Variants in LDAH observed in about 807,000 individuals in gnomAD.
LDAH encodes the protein lipid droplet associated hydrolase, also known as lipid droplet-associated hydrolase.
Under a neutral mutation model 29.6 loss-of-function variants are expected in LDAH, and 26 were observed. The ratio of observed to expected loss-of-function variants is 0.88; its 90% CI spans 0.64 to 1.22. The LOEUF (loss-of-function observed/expected upper bound fraction) is 1.22. Ranked by LOEUF, LDAH falls within the 50% of genes most tolerant of loss-of-function variation. The probability of loss-of-function intolerance (pLI) is 0.00; values close to 1 mark genes in which losing one functional copy is unlikely to be tolerated. For missense variants in LDAH, 344 were observed against 387.3 expected, an observed-to-expected ratio of 0.89 and a Z score of 0.94; for synonymous variants, 117 against 133.0, an observed-to-expected ratio of 0.88 and a Z score of 0.83.
chr2:20,745,727 G>A (rs1667522069), intron 4 of LDAH, among the ~76,000 whole-genome samples: 1 of 152,130 alleles, frequency 6.6e-6, no homozygotes, highest in Non-Finnish European at 1.5e-5. Context: ...GCATATGTAT[G>A]TTAATTAGCT....
At chr2:20,730,113 T>C (rs114035086) in intron 5 of LDAH, among the ~76,000 whole-genome samples, 3,638 of 152,358 alleles carry the variant, frequency 0.024, 144 homozygotes, top group African/African-American at 0.083. Context: ...TCTCTGGAGA[T>C]GGACACAGGT....
chr2:20,813,383 C>T lies in LDAH; in HGVS notation c.-3+9654G>A, dbSNP rs550313548. Among the ~76,000 whole-genome samples, 4 of 152,238 alleles carry T rather than the reference C, an allele frequency of 2.6e-5. No homozygotes were observed. In the East Asian group the frequency reaches 7.7e-4, roughly 29 times the overall value. The stretch of plus-strand genomic sequence containing the variant: ...TACTTCTATGCATTTTGCTTTCATA[C>T]TTAATAACATATGGATATCCTGCCA... On this transcript the variant is annotated intron_variant, in intron 1 of 6. Coordinates refer to ENST00000237822, the MANE Select transcript of LDAH (RefSeq NM_021925.4).
At chr2:20,803,726 T>C (rs866920690) in intron 1 of LDAH, among the ~76,000 whole-genome samples, 7 of 152,214 alleles carry the variant, frequency 4.6e-5, no homozygotes, top group Non-Finnish European at 8.8e-5. Context: ...CAATGGGCTA[T>C]AGCCACACTT....
chr2:20,706,758 A>G (rs1209293254), intron 5 of LDAH, among the ~76,000 whole-genome samples: 1 of 152,114 alleles, frequency 6.6e-6, no homozygotes, highest in Admixed American at 6.5e-5. Flanking sequence ...AAGACACTGG[A>G]TATTGGGCAA....
At chr2:20,765,774 G>A (rs1162949873) in intron 4 of LDAH, among the ~76,000 whole-genome samples, 1 of 152,140 alleles carries the variant, frequency 6.6e-6, no homozygotes, top group Non-Finnish European at 1.5e-5. Context: ...CAGGGCAGTC[G>A]GCTTTCTTAC....
intron 6 of LDAH, among the ~76,000 whole-genome samples, 168 bp from the exon 7 acceptor site, chr2:20,687,262 G>A (rs537806639): frequency 2.2e-4 from 34 of 152,276 alleles, no homozygotes; most frequent in African/African-American, 8.2e-4. Context: ...AAGGCTTCAC[G>A]ATGTACAGGA....
chr2:20,787,342 GGA>G (rs59739739), intron 3 of LDAH, among the ~76,000 whole-genome samples: 55,151 of 151,732 alleles, frequency 0.36, 10,746 homozygotes, highest in South Asian at 0.5. Context: ...CACCTAGGCT[GGA>G]GTGCAGTGGC....
chr2:20,700,869 T>G (rs1000610821), intron 6 of LDAH, among the ~76,000 whole-genome samples: 5 of 152,214 alleles, frequency 3.3e-5, no homozygotes, highest in Non-Finnish European at 4.4e-5. Context: ...GTTTTACACT[T>G]ATGGCACAAC....
chr2:20,707,094 C>A (rs1460892442), intron 5 of LDAH, among the ~76,000 whole-genome samples: 1 of 152,180 alleles, frequency 6.6e-6, no homozygotes. Flanking sequence ...ACCCACCAAC[C>A]ACCTCCCTTA....
At chr2:20,801,932 G>C (rs1022276489) in intron 1 of LDAH, among the ~76,000 whole-genome samples, 9 of 116,462 alleles carry the variant, frequency 7.7e-5, no homozygotes, top group African/African-American at 3.1e-4. Flanking sequence ...CAAATTCTAT[G>C]TGTGTGTGTG....
At chr2:20,717,682 G>A (rs369469555) in intron 5 of LDAH, among the ~76,000 whole-genome samples, 3 of 152,146 alleles carry the variant, frequency 2.0e-5, no homozygotes, top group Admixed American at 1.3e-4. Context: ...TGTAACATCA[G>A]AAATTCAAAA....
At chr2:20,782,414 A>G (rs1294229358) in intron 3 of LDAH, among the ~76,000 whole-genome samples, 1 of 152,180 alleles carries the variant, frequency 6.6e-6, no homozygotes, top group Non-Finnish European at 1.5e-5. Flanking sequence ...TTTTAATGTG[A>G]TGTTGAATTC....
chr2:20,690,076 C>T (rs905848292), intron 6 of LDAH, among the ~76,000 whole-genome samples: 6 of 152,204 alleles, frequency 3.9e-5, no homozygotes, highest in African/African-American at 1.4e-4. Flanking sequence ...GATGCAATTA[C>T]AACTTGAAAT....
At chr2:20,740,329 TGAG>T (rs1667089554) in intron 4 of LDAH, 124 bp from the exon 5 acceptor site, 1 of 691,400 alleles carries the variant, frequency 1.4e-6, no homozygotes, top group East Asian at 2.7e-5. Context: ...CTCTTCAGAG[TGAG>T]AAGAACCACC....
At chr2:20,802,138 C>T (rs547962612) in intron 1 of LDAH, among the ~76,000 whole-genome samples, 1 of 152,068 alleles carries the variant, frequency 6.6e-6, no homozygotes, top group East Asian at 1.9e-4. Flanking sequence ...TGGCTCACTG[C>T]AAACTCTGCC....
chr2:20,733,218 TATTATTA>T (rs1256343459), intron 5 of LDAH, among the ~76,000 whole-genome samples: 4 of 151,866 alleles, frequency 2.6e-5, no homozygotes, highest in Non-Finnish European at 4.4e-5. Context: ...GATTCAGTTT[TATTATTA>T]ATTATTAATA....
chr2:20,715,239 T>C (rs1665082724), intron 5 of LDAH, among the ~76,000 whole-genome samples: 5 of 152,204 alleles, frequency 3.3e-5, no homozygotes, highest in Admixed American at 2.0e-4. Context: ...TGCAAATCAA[T>C]AAATGTAATC....
chr2:20,720,473 C>T (rs192145629), intron 5 of LDAH, among the ~76,000 whole-genome samples: 1 of 151,962 alleles, frequency 6.6e-6, no homozygotes, highest in East Asian at 1.9e-4. Context: ...ATGGAAAGGA[C>T]ACACACACAA....
At chr2:20,776,625 A>G (rs541085370) in intron 3 of LDAH, among the ~76,000 whole-genome samples, 1 of 152,316 alleles carries the variant, frequency 6.6e-6, no homozygotes, top group East Asian at 1.9e-4. Context: ...TTCAGCATGA[A>G]ACAGAATTGG....
Sources: allele counts gnomAD v4.1 joint callset (sites outside exome capture counted in the v4.1 genomes callset), GRCh38; gene constraint gnomAD v4.1.1; transcripts MANE v1.5; gene names NCBI Gene and HGNC (gene_info 2026-07-23, HGNC 2026-07-21).